Variants in SYCP2L observed in about 807,000 individuals in gnomAD.
The protein encoded by SYCP2L is synaptonemal complex protein 2-like.
In SYCP2L, 98 loss-of-function variants were observed where a neutral mutation model predicts 125.8. The ratio of observed to expected loss-of-function variants is 0.78; its 90% CI spans 0.66 to 0.92. SYCP2L has a LOEUF of 0.92. Ranked by LOEUF, SYCP2L falls within the 40% of genes least tolerant of loss-of-function variation. SYCP2L has a pLI of 0.00. For missense variants in SYCP2L, 842 were observed against 936.4 expected (o/e 0.90, Z 1.32); for synonymous variants, 317 against 325.4 (o/e 0.97, Z 0.28).
chr6:10,968,098 G>A (rs975508438), intron 29 of SYCP2L, among the ~76,000 whole-genome samples: 14 of 152,186 alleles, frequency 9.2e-5, no homozygotes, highest in African/African-American at 3.4e-4. Flanking sequence ...CAATGGATGG[G>A]CATTTCCAGT....
intron 23 of SYCP2L, among the ~76,000 whole-genome samples, chr6:10,948,777 AAACT>A (rs1351783630): frequency 1.3e-5 from 2 of 152,168 alleles, no homozygotes; most frequent in Non-Finnish European, 2.9e-5. Flanking sequence ...TATATGATAA[AAACT>A]AACTATTTTT....
chr6:10,889,489 A>C (rs1780138309), intron 1 of SYCP2L, among the ~76,000 whole-genome samples: 1 of 152,206 alleles, frequency 6.6e-6, no homozygotes, highest in Admixed American at 6.5e-5. Context: ...GTCACCTTGC[A>C]GTACTATCTT....
chr6:10,955,990 C>T (rs185669695), intron 24 of SYCP2L, 146 bp from the exon 25 acceptor site: 51 of 611,244 alleles, frequency 8.3e-5, no homozygotes, highest in African/African-American at 5.0e-4. Flanking sequence ...TTCCAGAGAG[C>T]GAGGTCATGT....
At chr6:10,910,940 G>A (rs1408457033) in intron 12 of SYCP2L, 71 bp downstream of exon 12, 7 of 1,551,592 alleles carry the variant, frequency 4.5e-6, no homozygotes, top group Non-Finnish European at 6.2e-6. Flanking sequence ...TACGTGGTTA[G>A]ATCAAACTTT....
At chr6:10,967,038 C>T (rs538646819) in intron 29 of SYCP2L, among the ~76,000 whole-genome samples, 2 of 151,396 alleles carry the variant, frequency 1.3e-5, no homozygotes, top group Non-Finnish European at 2.9e-5. Context: ...TCTTAAAAAG[C>T]ATAAGAAGAT....
intron 15 of SYCP2L, among the ~76,000 whole-genome samples, chr6:10,926,135 G>A (rs972396186): frequency 2.6e-5 from 4 of 152,124 alleles, no homozygotes; most frequent in Admixed American, 2.6e-4. Flanking sequence ...GCAGGGGAAT[G>A]GCTAGCCCGA....
intron 21 of SYCP2L, among the ~76,000 whole-genome samples, chr6:10,936,843 A>G (rs984990382): frequency 6.6e-6 from 1 of 152,228 alleles, no homozygotes; most frequent in African/African-American, 2.4e-5. Flanking sequence ...ATTTGTCACA[A>G]GAGACAAAGA....
chr6:10,912,694 A>T lies in SYCP2L; in HGVS notation c.940A>T (p.Lys314Ter). 1.9e-6 allele frequency: 3 copies of T among 1,613,468 alleles called. No individual in the cohort carries two copies. Among genetic ancestry groups the T allele is most frequent in the Non-Finnish European group, 2.5e-6 (3 of 1,179,942 alleles). Residue 314 changes from lysine to a stop codon, truncating the protein, a stop_gained, in exon 13 of 30, where the codon AAA (lysine) becomes TAA (stop). Coordinates refer to ENST00000283141, the MANE Select transcript of SYCP2L (RefSeq NM_001040274.3). LOFTEE classifies it high-confidence loss of function. The surrounding 1 kb of genome is among the most constrained non-coding windows in gnomAD (Gnocchi z 4.1). ...ACAGATGAGAAAACCAGCGGATGAA[A>T]AATTAGAGAAATTTTGGATCGACTT... ...EHEMRKPADE[K>*]LEKFWIDFNL...
intron 23 of SYCP2L, among the ~76,000 whole-genome samples, chr6:10,949,992 G>A (rs974861232): frequency 2.6e-5 from 4 of 151,610 alleles, no homozygotes; most frequent in Non-Finnish European, 5.9e-5. Flanking sequence ...TTCCTAGTTT[G>A]GAAGTTTTCG....
chr6:10,926,563 A>AGCCTT, intron 16 of SYCP2L, 131 bp downstream of exon 16: 1 of 650,890 alleles, frequency 1.5e-6, no homozygotes, highest in Non-Finnish European at 2.7e-6. Flanking sequence ...TGGAGGAAGA[A>AGCCTT]GAGTTGCTGA....
chr6:10,972,868 A>G (rs1410123557), intron 29 of SYCP2L, among the ~76,000 whole-genome samples: 1 of 152,104 alleles, frequency 6.6e-6, no homozygotes, highest in Non-Finnish European at 1.5e-5. Flanking sequence ...GTTTTCCTGG[A>G]AGCCCAAGCT....
At chr6:10,944,784 G>A (rs1417360183) in intron 23 of SYCP2L, among the ~76,000 whole-genome samples, 1 of 151,892 alleles carries the variant, frequency 6.6e-6, no homozygotes, top group Admixed American at 6.6e-5. Flanking sequence ...GCGTGATCTT[G>A]GCTCACTGCA....
chr6:10,888,095 T>A (rs1390722704), intron 1 of SYCP2L, among the ~76,000 whole-genome samples: 22 of 81,982 alleles, frequency 2.7e-4, no homozygotes, highest in African/African-American at 7.2e-4. Flanking sequence ...TTTTTTTTTT[T>A]TTTTTTTTTT....
intron 20 of SYCP2L, among the ~76,000 whole-genome samples, chr6:10,932,761 AT>A (rs948237138): frequency 3.9e-4 from 59 of 150,944 alleles, no homozygotes; most frequent in Admixed American, 3.3e-4. Flanking sequence ...TTCAAAAAAA[AT>A]TTTTTTTTTG....
At chr6:10,905,295 T>TA (rs1456956086) in intron 8 of SYCP2L, among the ~76,000 whole-genome samples, 7 of 151,966 alleles carry the variant, frequency 4.6e-5, no homozygotes, top group African/African-American at 1.5e-4. Context: ...TTATTATTAT[T>TA]ACCATTTTTT....
chr6:10,945,148 G>A (rs996459089), intron 23 of SYCP2L, among the ~76,000 whole-genome samples: 5 of 152,124 alleles, frequency 3.3e-5, no homozygotes, highest in African/African-American at 1.2e-4. Flanking sequence ...TGTGACTAGA[G>A]AACATAGTCT....
At chr6:10,940,502 AAAG>A (rs1481897785) in intron 21 of SYCP2L, among the ~76,000 whole-genome samples, 1 of 152,194 alleles carries the variant, frequency 6.6e-6, no homozygotes, top group Non-Finnish European at 1.5e-5. Context: ...CAGCCTCAAA[AAAG>A]AAGGAAATCA....
At chr6:10,915,596 T>A (rs1437254858) in intron 14 of SYCP2L, among the ~76,000 whole-genome samples, 1 of 152,244 alleles carries the variant, frequency 6.6e-6, no homozygotes, top group Non-Finnish European at 1.5e-5. Flanking sequence ...TTTTTGTTTT[T>A]AATTCTGTTT....
intron 1 of SYCP2L, 137 bp downstream of exon 1, chr6:10,887,272 C>A: frequency 8.3e-7 from 1 of 1,198,554 alleles, no homozygotes; most frequent in East Asian, 2.5e-5. Flanking sequence ...TCCCCCGCCA[C>A]CTCCTTGGGT....
Sources: gnomAD v4.1 joint callset for allele counts (sites outside exome capture counted in the v4.1 genomes callset) on GRCh38, gnomAD v4.1.1 for gene constraint, Gnocchi (gnomAD v3.1) non-coding constraint, MANE v1.5 for transcripts, NCBI Gene and HGNC (gene_info 2026-07-23, HGNC 2026-07-21) for gene names.